EVA1C: variants seen among roughly 807,000 people sequenced by gnomAD.
EVA1C encodes the protein eva-1 homolog C, also known as protein eva-1 homolog C.
Under a neutral mutation model 45.4 loss-of-function variants are expected in EVA1C, and 25 were observed. That is an observed-to-expected ratio of 0.55 (90% CI 0.40 to 0.77). The LOEUF is 0.77. EVA1C is among the 30% of genes least tolerant of loss of function. The probability of loss-of-function intolerance (pLI) is 0.00; values close to 1 mark genes in which losing one functional copy is unlikely to be tolerated. For synonymous variants in EVA1C, 190 were observed against 221.2 expected (o/e 0.86, Z 1.25); for missense variants, 479 against 554.8 (o/e 0.86, Z 1.37).
At chr21:32,433,552 C>T (rs1451411514) in intron 1 of EVA1C, among the ~76,000 whole-genome samples, 2 of 152,222 alleles carry the variant, frequency 1.3e-5, no homozygotes, top group Admixed American at 1.3e-4. Flanking sequence ...GGAGAAACAT[C>T]GCGTTGTTGT....
chr21:32,505,987 C>T (rs1017092785), intron 7 of EVA1C, among the ~76,000 whole-genome samples: 15 of 152,068 alleles, frequency 9.9e-5, no homozygotes, highest in African/African-American at 3.4e-4. Flanking sequence ...CCATGGACAG[C>T]GGCAGGGCCA....
chr21:32,513,958 A>C (rs1392976823), intron 7 of EVA1C, among the ~76,000 whole-genome samples: 1 of 152,186 alleles, frequency 6.6e-6, no homozygotes, highest in East Asian at 1.9e-4. Flanking sequence ...TCTTTACCAA[A>C]CATGTACAGA....
At chr21:32,428,755 G>A (rs773806963) in intron 1 of EVA1C, 1 of 152,182 alleles carries the variant, frequency 6.6e-6, no homozygotes, top group Non-Finnish European at 1.5e-5. Flanking sequence ...TCATGTTTAC[G>A]ATTCAGTCTC....
intron 5 of EVA1C, among the ~76,000 whole-genome samples, chr21:32,499,825 C>T (rs1157396810): frequency 1.3e-5 from 2 of 152,198 alleles, no homozygotes; most frequent in Non-Finnish European, 2.9e-5. Flanking sequence ...CTGCAGAATT[C>T]TTGCTCTGCC....
At chr21:32,470,114 T>C (rs773982767) in intron 4 of EVA1C, among the ~76,000 whole-genome samples, 2 of 152,180 alleles carry the variant, frequency 1.3e-5, no homozygotes, top group Non-Finnish European at 2.9e-5. Flanking sequence ...CTCCTTAATA[T>C]GTTAAATTGC....
intron 4 of EVA1C, among the ~76,000 whole-genome samples, chr21:32,485,110 G>A (rs1188263983): frequency 6.6e-6 from 1 of 152,120 alleles, no homozygotes; most frequent in Admixed American, 6.5e-5. Flanking sequence ...CCACCCTCTT[G>A]TTTTCCTCCA....
chr21:32,476,031 G>C (rs1034798332), intron 4 of EVA1C, among the ~76,000 whole-genome samples: 1 of 151,946 alleles, frequency 6.6e-6, no homozygotes, highest in African/African-American at 2.4e-5. Flanking sequence ...ATAGTCCTTC[G>C]ATGTGGTTTT....
intron 6 of EVA1C, among the ~76,000 whole-genome samples, chr21:32,503,651 C>A (rs985478173): frequency 3.9e-5 from 6 of 152,166 alleles, no homozygotes; most frequent in Non-Finnish European, 5.9e-5. Flanking sequence ...TATTCCCTTC[C>A]ACAGTGGAGT....
At chr21:32,455,961 C>T (rs546031636) in intron 2 of EVA1C, among the ~76,000 whole-genome samples, 297 of 152,246 alleles carry the variant, frequency 2.0e-3, no homozygotes, top group Non-Finnish European at 3.7e-3. Flanking sequence ...GGCGCAATCT[C>T]GGCTTACCAC....
chr21:32,465,068 A>G (rs1473417538), intron 3 of EVA1C, among the ~76,000 whole-genome samples: 1 of 152,206 alleles, frequency 6.6e-6, no homozygotes, highest in South Asian at 2.1e-4. Context: ...ACAACTGAAA[A>G]AGAAATGTTT....
intron 1 of EVA1C, among the ~76,000 whole-genome samples, chr21:32,418,051 T>C (rs1317465393): frequency 6.6e-6 from 1 of 152,064 alleles, no homozygotes; most frequent in East Asian, 1.9e-4. Context: ...CTAGGGCTCA[T>C]CACCAGGGAG....
chr21:32,423,843 C>T (rs570271496), intron 1 of EVA1C, among the ~76,000 whole-genome samples: 5 of 152,264 alleles, frequency 3.3e-5, no homozygotes, highest in East Asian at 1.9e-4. Context: ...ACTCAGGCCA[C>T]GGAGTCTGAA....
intron 1 of EVA1C, among the ~76,000 whole-genome samples, chr21:32,426,236 C>T (rs1378519241): frequency 1.3e-5 from 2 of 152,158 alleles, no homozygotes; most frequent in African/African-American, 2.4e-5. Flanking sequence ...CCATCATTAA[C>T]GTCAAAGTGA....
intron 1 of EVA1C, among the ~76,000 whole-genome samples, chr21:32,425,819 A>T (rs1239659953): frequency 6.6e-6 from 1 of 152,200 alleles, no homozygotes; most frequent in African/African-American, 2.4e-5. Flanking sequence ...GGACACCGCT[A>T]AACATCTGAC....
intron 1 of EVA1C, among the ~76,000 whole-genome samples, chr21:32,451,308 A>T (rs1158479807): frequency 1.3e-5 from 2 of 151,924 alleles, no homozygotes; most frequent in Non-Finnish European, 2.9e-5. Flanking sequence ...TCTCCCACAC[A>T]CCTCAGTGAA....
intron 1 of EVA1C, among the ~76,000 whole-genome samples, chr21:32,449,869 C>T (rs537623947): frequency 2.6e-5 from 4 of 152,022 alleles, no homozygotes; most frequent in East Asian, 3.9e-4. Flanking sequence ...GTGATCTGCC[C>T]GCCTCAGCCT....
chr21:32,482,266 G>A (rs1340001443), intron 4 of EVA1C, among the ~76,000 whole-genome samples: 1 of 152,160 alleles, frequency 6.6e-6, no homozygotes, highest in Non-Finnish European at 1.5e-5. Flanking sequence ...AGACAGCTGA[G>A]GAGAACAGCA....
At chr21:32,426,237 G>A (rs547212060) in intron 1 of EVA1C, among the ~76,000 whole-genome samples, 36 of 152,182 alleles carry the variant, frequency 2.4e-4, no homozygotes, top group African/African-American at 8.7e-4. Flanking sequence ...CATCATTAAC[G>A]TCAAAGTGAA....
At chr21:32,476,542 G>A (rs2036571949) in intron 4 of EVA1C, among the ~76,000 whole-genome samples, 1 of 152,158 alleles carries the variant, frequency 6.6e-6, no homozygotes, top group Admixed American at 6.5e-5. Flanking sequence ...TCCGGAGGCT[G>A]AGGCCGGAGA....
Sources: allele counts gnomAD v4.1 joint callset (sites outside exome capture counted in the v4.1 genomes callset), GRCh38; gene constraint gnomAD v4.1.1; transcripts MANE v1.5; gene names NCBI Gene and HGNC (gene_info 2026-07-23, HGNC 2026-07-21).